The following KALRN variants were observed in gnomAD, a reference collection of about 807,000 sequenced individuals.
KALRN encodes the protein kalirin RhoGEF kinase, also known as kalirin.
Under a neutral mutation model 353.7 loss-of-function variants are expected in KALRN, and 70 were observed. The ratio of observed to expected loss-of-function variants is 0.20; its 90% CI spans 0.16 to 0.24. The LOEUF (loss-of-function observed/expected upper bound fraction) is 0.24, where lower values mean the gene tolerates loss of function less well. KALRN is among the 10% of genes least tolerant of loss of function. The pLI is 1.00. For synonymous variants in KALRN, 1,391 were observed against 1,434.8 expected (o/e 0.97, Z 0.69); for missense variants, 2,791 against 3,756.7 (o/e 0.74, Z 6.72).
chr3:124,632,208 A>G (rs1362537802), intron 34 of KALRN, among the ~76,000 whole-genome samples: 2 of 152,192 alleles, frequency 1.3e-5, no homozygotes, highest in African/African-American at 4.8e-5. Context: ...TCCTGTATCC[A>G]TAGTACCGGG....
chr3:124,589,099 C>T (rs566433203), intron 34 of KALRN, among the ~76,000 whole-genome samples: 10 of 152,266 alleles, frequency 6.6e-5, no homozygotes, highest in African/African-American at 2.4e-4. Flanking sequence ...CACAGGGCAT[C>T]CAAAGGCATT....
At chr3:124,423,207 C>A (rs1279925114) in intron 15 of KALRN, among the ~76,000 whole-genome samples, 1 of 152,222 alleles carries the variant, frequency 6.6e-6, no homozygotes, top group Non-Finnish European at 1.5e-5. Flanking sequence ...TGCATGATTT[C>A]TCTCTTACAA....
intron 49 of KALRN, 138 bp from the exon 50 acceptor site, chr3:124,678,052 G>C (rs939765532): frequency 1.2e-6 from 1 of 834,772 alleles, no homozygotes; most frequent in African/African-American, 1.7e-5. Flanking sequence ...CTTGGAGCTG[G>C]TGTGCAGGTT....
intron 34 of KALRN, among the ~76,000 whole-genome samples, chr3:124,586,975 A>G (rs966316531): frequency 2.0e-5 from 3 of 152,156 alleles, no homozygotes; most frequent in Admixed American, 2.0e-4. Context: ...GCCTGTAGGC[A>G]TCAATTTGAA....
At chr3:124,604,210 T>G (rs1225106616) in intron 34 of KALRN, among the ~76,000 whole-genome samples, 1 of 152,198 alleles carries the variant, frequency 6.6e-6, no homozygotes, top group Admixed American at 6.5e-5. Flanking sequence ...TGCAGGTTAG[T>G]TACATATGTA....
intron 14 of KALRN, among the ~76,000 whole-genome samples, chr3:124,421,183 A>G (rs1484520233): frequency 1.3e-5 from 2 of 152,224 alleles, no homozygotes; most frequent in East Asian, 3.8e-4. Flanking sequence ...CAGGGATCAG[A>G]ATAAGCAAGT....
At chr3:124,512,807 C>A (rs565503989) in intron 33 of KALRN, among the ~76,000 whole-genome samples, 1 of 151,570 alleles carries the variant, frequency 6.6e-6, no homozygotes, top group East Asian at 1.9e-4. Flanking sequence ...AGAAAATACA[C>A]CAGAATGTAA....
chr3:124,504,997 G>A (rs2065053718), intron 33 of KALRN: 2 of 482,340 alleles, frequency 4.1e-6, no homozygotes, highest in African/African-American at 2.0e-5. Context: ...CAAGAAGGGA[G>A]ATGGCATGGT....
chr3:124,263,483 AG>A (rs2073144038), intron 3 of KALRN, among the ~76,000 whole-genome samples: 2 of 152,310 alleles, frequency 1.3e-5, no homozygotes, highest in African/African-American at 4.8e-5. Flanking sequence ...AGGCTGAGGC[AG>A]GGGGATCATT....
intron 34 of KALRN, among the ~76,000 whole-genome samples, chr3:124,628,165 C>CTTCA (rs2080212386): frequency 1.8e-5 from 1 of 54,568 alleles, no homozygotes; most frequent in African/African-American, 1.4e-4. Context: ...CCCTCCCTTC[C>CTTCA]TTCCTTCCCT....
chr3:124,324,218 T>C (rs2079640293), intron 6 of KALRN, among the ~76,000 whole-genome samples: 1 of 152,216 alleles, frequency 6.6e-6, no homozygotes. Context: ...CCAAGTAAAC[T>C]GTCTCTCCCA....
chr3:124,432,407 C>T (rs1462423987), intron 16 of KALRN, among the ~76,000 whole-genome samples: 1 of 152,142 alleles, frequency 6.6e-6, no homozygotes, highest in Non-Finnish European at 1.5e-5. Context: ...GAGTGAGACC[C>T]TGTCTCAAAA....
chr3:124,629,813 T>G (rs1025470596), intron 34 of KALRN, among the ~76,000 whole-genome samples: 2 of 72,760 alleles, frequency 2.7e-5, no homozygotes, highest in African/African-American at 1.4e-4. Context: ...TCTCTCTCTC[T>G]GTCTCTCTCT....
intron 12 of KALRN, among the ~76,000 whole-genome samples, chr3:124,398,306 TGATA>T (rs1038898560): frequency 4.6e-5 from 7 of 152,318 alleles, no homozygotes; most frequent in South Asian, 2.1e-4. Flanking sequence ...GTACGTATTG[TGATA>T]GATTTATGTG....
chr3:124,613,752 C>T (rs2078254012), intron 34 of KALRN, among the ~76,000 whole-genome samples: 1 of 152,194 alleles, frequency 6.6e-6, no homozygotes, highest in South Asian at 2.1e-4. Context: ...TGCCATTTCT[C>T]CTGCCTTTAA....
chr3:124,037,903 G>C (rs556595005), intron 1 of KALRN, among the ~76,000 whole-genome samples: 1 of 152,246 alleles, frequency 6.6e-6, no homozygotes, highest in Admixed American at 6.5e-5. Context: ...AATGTTGTTA[G>C]CTTTGGACAT....
intron 6 of KALRN, among the ~76,000 whole-genome samples, chr3:124,302,315 G>A (rs555270948): frequency 6.6e-6 from 1 of 152,260 alleles, no homozygotes; most frequent in Middle Eastern, 3.4e-3. Context: ...GTCTTATGTT[G>A]GAAGAGTAAG....
chr3:124,456,515 T>C, intron 22 of KALRN, 95 bp from the exon 23 acceptor site: 5 of 751,590 alleles, frequency 6.7e-6, no homozygotes, highest in Non-Finnish European at 1.2e-5. Flanking sequence ...TTCTCCATTA[T>C]ATCTTTTTTT....
intron 1 of KALRN, among the ~76,000 whole-genome samples, chr3:124,137,947 G>A (rs1337070195): frequency 6.6e-6 from 1 of 152,180 alleles, no homozygotes; most frequent in African/African-American, 2.4e-5. Flanking sequence ...TAAAGTATGT[G>A]TTTTTGTGGA....
Sources: allele counts gnomAD v4.1 joint callset (sites outside exome capture counted in the v4.1 genomes callset), GRCh38; gene constraint gnomAD v4.1.1; transcripts MANE v1.5; gene names NCBI Gene and HGNC (gene_info 2026-07-23, HGNC 2026-07-21).